FGF13: variants seen among roughly 807,000 people sequenced by gnomAD.
FGF13 encodes fibroblast growth factor homologous factor 2.
A neutral mutation model predicts 19.5 loss-of-function variants in FGF13; 2 were observed. That is an observed-to-expected ratio of 0.10 (90% CI 0.04 to 0.32). The LOEUF is 0.32. Among genes scored for constraint, FGF13 ranks in the 10% least tolerant of loss-of-function variants. The pLI is 1.00. For missense variants in FGF13, 113 were observed against 192.7 expected, an observed-to-expected ratio of 0.59 and a Z score of 2.45; for synonymous variants, 72 against 76.9, an observed-to-expected ratio of 0.94 and a Z score of 0.33.
chrX:138,812,695 C>G (rs1413020923), intron 3 of FGF13, among the ~76,000 whole-genome samples: 2 of 111,592 alleles, frequency 1.8e-5, no homozygotes, highest in Non-Finnish European at 1.9e-5. Context: ...GTAACATTTT[C>G]TTTTTAAAAA....
At chrX:138,679,200 C>T (rs985306163) in intron 3 of FGF13, among the ~76,000 whole-genome samples, 1 of 111,307 alleles carries the variant, frequency 9.0e-6, no homozygotes, top group African/African-American at 3.3e-5. Flanking sequence ...CCTCAGTTTC[C>T]TGAGTAGTTG....
upstream of FGF13, among the ~76,000 whole-genome samples, chrX:138,743,187 G>C (rs5976193): frequency 0.37 from 41,039 of 110,341 alleles, 6,352 homozygotes; most frequent in African/African-American, 0.58. Context: ...GTGGTACATC[G>C]AGACAATGGC....
Position 139,108,293 on chromosome X carries a change from T to C in FGF13, c.-113+95123A>G, listed in dbSNP as rs148117425. ...CCAGATCACTGGAAGTTCTAAGCTA[T>C]GGGCAGTCTTATAAATGCCTTAGTC... On this transcript the variant is annotated intron_variant, in intron 1 of 2. Transcript: ENST00000421460. Among the ~76,000 whole-genome samples the C allele has an allele frequency of 5.6e-3, 628 of 111,851 alleles. 3 individuals are homozygous for C. The highest frequency in any genetic ancestry group is 0.019 in the African/African-American group (588 of 30,765).
chrX:138,858,955 T>C lies in FGF13; in HGVS notation c.-38-1276A>G, dbSNP rs994051797. Among the ~76,000 whole-genome samples, 9 of 112,050 alleles carry C rather than the reference T, an allele frequency of 8.0e-5. 2 individuals are homozygous for C. The South Asian group carries it at 3.3e-3, about 41-fold the overall frequency. On this transcript the variant is annotated intron_variant, in intron 2 of 2. Transcript: ENST00000421460. ...TTATGAGTTTAGAACAAGTTCTTAA[T>C]AGATTGACTCTATGAGGGATTGTTG...
rs183854677 is a variant in FGF13 at position 138,734,127 on chromosome X, A to G, written c.28+5115T>C. 2.0e-3 allele frequency among the ~76,000 whole-genome samples: 223 copies of G among 111,794 alleles called. 1 individual carries two copies. Among genetic ancestry groups the G allele is most frequent in the African/African-American group, 6.5e-3 (202 of 30,845 alleles). On this transcript the variant is annotated intron_variant, in intron 1 of 4. Coordinates refer to the FGF13 transcript ENST00000305414. ...AGCACAGTGCCTGGACTATTATTGT[A>G]GGTTCTCACTGCATATTTGTTGAGT...
At position 138,627,596 on chromosome X, in the gene FGF13, C is replaced by CCT. The variant is rs1309144362; in HGVS notation, c.*5252_*5253dup. The CCT allele has an allele frequency of 5.3e-5, 2 of 37,653 alleles. No individual in the cohort carries two copies. The highest frequency in any genetic ancestry group is 2.2e-4 in the African/African-American group (2 of 9,297). 3.1% of individuals were successfully genotyped at this position (37,653 alleles called of 1,213,427 possible). A position where few individuals can be genotyped will look rare whatever the true frequency, so the allele number is the denominator to read the frequency against. On this transcript the variant is annotated 3_prime_UTR_variant, in exon 5 of 5. Transcript: ENST00000315930. The stretch of plus-strand genomic sequence containing the variant: ...TGGAGGCCCATCTAGTGTGTGTGTG[C>CCT]CTGTGTGTGTGTGTGTGTGTGTGTG...
intron 1 of FGF13, among the ~76,000 whole-genome samples, chrX:139,197,334 A>G (rs2084379842): frequency 8.9e-6 from 1 of 112,807 alleles, no homozygotes; most frequent in African/African-American, 3.2e-5. Flanking sequence ...GGATTAAATT[A>G]GATATATGTA....
intron 1 of FGF13, among the ~76,000 whole-genome samples, chrX:138,865,474 CTCTCTCTCTCTCCTCTCTCTCTCCTCT>C: frequency 1.8e-5 from 1 of 56,744 alleles, no homozygotes; most frequent in African/African-American, 8.0e-5. Context: ...TCTCTCTCTC[CTCTCTCTCTCTCCTCTCTCTCTCCTCT>C]CTCTCTCCTC....
chrX:139,084,430 TGAG>T (rs934974149), intron 1 of FGF13, among the ~76,000 whole-genome samples: 1 of 111,784 alleles, frequency 8.9e-6, no homozygotes, highest in African/African-American at 3.3e-5. Flanking sequence ...CTAGTCAATT[TGAG>T]GAGTTCACTC....
chrX:139,052,303 C>T (rs1290057686), intron 1 of FGF13, among the ~76,000 whole-genome samples: 1 of 111,713 alleles, frequency 9.0e-6, no homozygotes. Flanking sequence ...TAAGCTCCAT[C>T]AAGGTCAAGA....
chrX:138,978,593 G>T (rs1569434691), intron 1 of FGF13, among the ~76,000 whole-genome samples: 1 of 112,368 alleles, frequency 8.9e-6, no homozygotes, highest in Admixed American at 9.4e-5. Context: ...TTACTTGATG[G>T]TTTCAATCAA....
intron 1 of FGF13, among the ~76,000 whole-genome samples, chrX:138,733,337 C>T (rs914532435): frequency 9.0e-6 from 1 of 111,592 alleles, no homozygotes; most frequent in Non-Finnish European, 1.9e-5. Flanking sequence ...AAAATAATAG[C>T]TTTGTTTCTA....
intron 1 of FGF13, among the ~76,000 whole-genome samples, chrX:138,881,178 T>C (rs2091421773): frequency 8.9e-6 from 1 of 111,899 alleles, no homozygotes; most frequent in Non-Finnish European, 1.9e-5. Context: ...GTTATTCTTT[T>C]AGATGTTATA....
At chrX:139,118,123 T>C (rs1678093920) in intron 1 of FGF13, among the ~76,000 whole-genome samples, 1 of 111,507 alleles carries the variant, frequency 9.0e-6, no homozygotes, top group African/African-American at 3.3e-5. Context: ...GTTTAAATGA[T>C]GAGAGAACAC....
chrX:139,173,863 C>T (rs1023826729), intron 1 of FGF13, among the ~76,000 whole-genome samples: 2 of 111,558 alleles, frequency 1.8e-5, no homozygotes, highest in African/African-American at 6.5e-5. Flanking sequence ...AATAAACATC[C>T]GTGTGCATGT....
At chrX:138,936,114 A>C (rs530802240) in intron 1 of FGF13, among the ~76,000 whole-genome samples, 1 of 112,745 alleles carries the variant, frequency 8.9e-6, no homozygotes, top group Admixed American at 9.3e-5. Flanking sequence ...TTATCTCAAA[A>C]TTCTTGATAA....
chrX:139,153,755 T>G (rs113228916), intron 1 of FGF13, among the ~76,000 whole-genome samples: 11,044 of 111,536 alleles, frequency 0.099, 1,090 homozygotes, highest in African/African-American at 0.3. Context: ...GGTAAGATGA[T>G]GTCATAGTGG....
chrX:138,705,075 T>C (rs1434485763), intron 2 of FGF13, among the ~76,000 whole-genome samples: 1 of 111,847 alleles, frequency 8.9e-6, no homozygotes, highest in African/African-American at 3.2e-5. Flanking sequence ...TCTAAAAAAC[T>C]AAAGCAAAAC....
At chrX:139,023,714 G>A (rs1021048654) in intron 1 of FGF13, among the ~76,000 whole-genome samples, 6 of 111,071 alleles carry the variant, frequency 5.4e-5, no homozygotes, top group Non-Finnish European at 1.1e-4. Context: ...ATATCATGCG[G>A]TAGAAGATTA....
Sources: allele counts gnomAD v4.1 joint callset (sites outside exome capture counted in the v4.1 genomes callset), GRCh38; gene constraint gnomAD v4.1.1; transcripts MANE v1.5; gene names NCBI Gene and HGNC (gene_info 2026-07-23, HGNC 2026-07-21).